The following LRP1B variants were observed in gnomAD, a reference collection of about 807,000 sequenced individuals.
LRP1B encodes LDL receptor related protein 1B.
LRP1B carries 217 observed loss-of-function variants against 556.6 expected under a neutral mutation model. The ratio of observed to expected loss-of-function variants is 0.39; its 90% CI spans 0.35 to 0.44. The LOEUF is 0.44. Ranked by LOEUF, LRP1B falls within the 20% of genes least tolerant of loss-of-function variation. LRP1B has a pLI of 1.00. For synonymous variants in LRP1B, 2,047 were observed against 1,865.8 expected (o/e 1.10, Z -2.50); for missense variants, 5,053 against 5,620.8 (o/e 0.90, Z 3.23).
intron 66 of LRP1B, among the ~76,000 whole-genome samples, chr2:140,428,620 C>G (rs1259827470): frequency 6.6e-6 from 1 of 152,148 alleles, no homozygotes; most frequent in Non-Finnish European, 1.5e-5. Context: ...CTGACACTGC[C>G]TGATCGTCTC....
chr2:142,115,602 A>AAT lies in LRP1B; in HGVS notation c.82+15044_82+15045dup, dbSNP rs1553518971. 9.3e-4 allele frequency among the ~76,000 whole-genome samples: 19 copies of AAT among 20,502 alleles called. 1 individual carries two copies. The highest frequency in any genetic ancestry group is 3.0e-3 in the South Asian group (3 of 1,010). 13.5% of individuals were successfully genotyped at this position (20,502 alleles called of 152,430 possible). Reference sequence around the variant, plus strand: ...TATGTAATATATATATTATATATGTAATATATATTATATATATGTAATATA... The same window carrying AAT: ...TATGTAATATATATATTATATATGTAATATATATATTATATATATGTAATATA... On this transcript the variant is annotated intron_variant, in intron 1 of 90. Transcript: ENST00000389484.
intron 32 of LRP1B, among the ~76,000 whole-genome samples, chr2:140,807,984 G>T (rs1482246373): frequency 1.3e-5 from 2 of 152,086 alleles, no homozygotes; most frequent in Non-Finnish European, 2.9e-5. Context: ...CCCAGCTACT[G>T]GGGAGGCTGA....
At chr2:141,505,988 C>T (rs536080586) in intron 2 of LRP1B, among the ~76,000 whole-genome samples, 8 of 152,078 alleles carry the variant, frequency 5.3e-5, no homozygotes, top group South Asian at 2.1e-4. Flanking sequence ...TTTCCCTGTC[C>T]GGGAAAGACT....
intron 2 of LRP1B, among the ~76,000 whole-genome samples, chr2:141,799,796 TAA>T (rs1695943457): frequency 8.8e-6 from 1 of 113,228 alleles, no homozygotes; most frequent in African/African-American, 3.4e-5. Flanking sequence ...AATCTGTTTT[TAA>T]AGAGTGTGTC....
At chr2:141,005,529 T>C in intron 14 of LRP1B, 72 bp from the exon 15 acceptor site, 1 of 1,436,782 alleles carries the variant, frequency 7.0e-7, no homozygotes, top group Non-Finnish European at 9.7e-7. Context: ...AACATAGATG[T>C]AATTACATAC....
chr2:140,345,870 A>ATG (rs1681647285), intron 77 of LRP1B, among the ~76,000 whole-genome samples: 4 of 145,964 alleles, frequency 2.7e-5, no homozygotes, highest in African/African-American at 7.5e-5. Context: ...ACATATATAT[A>ATG]TATATATAAA....
chr2:140,335,607 TA>T lies in LRP1B; in HGVS notation c.12116+7del. 6.6e-7 allele frequency: 1 copy of T among 1,518,618 alleles called. No individual in the cohort carries two copies. Among genetic ancestry groups the T allele is most frequent in the Non-Finnish European group, 9.1e-7 (1 of 1,093,500 alleles). The allele number at this position is 1,518,618 out of a possible 1,614,324, so 94.1% of individuals were successfully genotyped here. Reference sequence around the variant, plus strand: ...TCAAGAAATAGAAATACTAAGCCATTAACCTACCCTCTTTTAGGATTTACTG... The same window carrying T: ...TCAAGAAATAGAAATACTAAGCCATTACCTACCCTCTTTTAGGATTTACTG... On this transcript the variant is annotated splice_region_variant and intron_variant, in intron 78 of 90. Transcript: ENST00000389484.
At chr2:141,896,856 C>T (rs890174247) in intron 1 of LRP1B, among the ~76,000 whole-genome samples, 1 of 152,046 alleles carries the variant, frequency 6.6e-6, no homozygotes, top group African/African-American at 2.4e-5. Flanking sequence ...TTGATTTGCC[C>T]CACATTGGTA....
chr2:141,576,112 TAA>T (rs1686732214), intron 2 of LRP1B, among the ~76,000 whole-genome samples: 1 of 152,224 alleles, frequency 6.6e-6, no homozygotes, highest in Non-Finnish European at 1.5e-5. Context: ...CAAAGGAATA[TAA>T]GTTATTCTAC....
intron 2 of LRP1B, among the ~76,000 whole-genome samples, chr2:141,496,618 A>G (rs887589538): frequency 6.6e-6 from 1 of 152,074 alleles, no homozygotes; most frequent in Non-Finnish European, 1.5e-5. Context: ...GAATATTAAT[A>G]TATTGGCACA....
intron 86 of LRP1B, among the ~76,000 whole-genome samples, chr2:140,259,978 C>T (rs1161314703): frequency 6.6e-6 from 1 of 151,480 alleles, no homozygotes; most frequent in Non-Finnish European, 1.5e-5. Flanking sequence ...AACCATTTTC[C>T]CCAAAAAGAT....
chr2:140,378,308 A>G (rs1683324523), intron 67 of LRP1B, 22 bp from the exon 68 acceptor site: 1 of 1,306,392 alleles, frequency 7.7e-7, no homozygotes, highest in Non-Finnish European at 1.1e-6. Flanking sequence ...AAAACAGCAC[A>G]GGGTTATTCT....
At chr2:141,262,222 T>C (rs905216361) in intron 3 of LRP1B, among the ~76,000 whole-genome samples, 6 of 152,052 alleles carry the variant, frequency 3.9e-5, no homozygotes, top group Admixed American at 2.6e-4. Context: ...TTCTGCCGAC[T>C]GTTATTAGGT....
chr2:140,394,082 C>T (rs115155957), intron 66 of LRP1B, among the ~76,000 whole-genome samples: 3,968 of 150,198 alleles, frequency 0.026, 66 homozygotes, highest in African/African-American at 0.049. Flanking sequence ...AGAACATATT[C>T]TCTGTCTCCT....
chr2:141,193,607 G>A lies in LRP1B; in HGVS notation c.851-5024C>T, dbSNP rs181236847. Reference sequence around the variant, plus strand: ...ACTTGAGGGTGGAGGATGGGAGGAGGGAGAGGAGTAGAAAAGACAACTTTT... The same window carrying A: ...ACTTGAGGGTGGAGGATGGGAGGAGAGAGAGGAGTAGAAAAGACAACTTTT... On this transcript the variant is annotated intron_variant, in intron 6 of 90. Transcript: ENST00000389484. Among the ~76,000 whole-genome samples, 237 of 151,844 alleles carry A rather than the reference G, an allele frequency of 1.6e-3. 1 individual carries two copies. The highest frequency in any genetic ancestry group is 4.8e-3 in the African/African-American group (199 of 41,432).
intron 66 of LRP1B, among the ~76,000 whole-genome samples, chr2:140,397,891 C>T (rs1684321335): frequency 6.6e-6 from 1 of 152,106 alleles, no homozygotes; most frequent in African/African-American, 2.4e-5. Flanking sequence ...ATATATTTAT[C>T]TTGTTCTGTA....
intron 1 of LRP1B, among the ~76,000 whole-genome samples, chr2:141,967,183 T>C (rs1445169086): frequency 6.6e-6 from 1 of 151,934 alleles, no homozygotes; most frequent in Non-Finnish European, 1.5e-5. Context: ...CTAATTTCTC[T>C]ACATTCTGTT....
At chr2:141,122,403 A>G (rs1701079075) in intron 7 of LRP1B, among the ~76,000 whole-genome samples, 1 of 34,350 alleles carries the variant, frequency 2.9e-5, no homozygotes, top group Non-Finnish European at 8.4e-5. Context: ...ACAAACTTAC[A>G]AGAAAAAAAA....
chr2:141,774,388 G>A (rs1004693080), intron 2 of LRP1B, among the ~76,000 whole-genome samples: 13 of 151,986 alleles, frequency 8.6e-5, no homozygotes, highest in African/African-American at 1.2e-4. Flanking sequence ...CGAGAGAGAG[G>A]GGAGGTCCCA....
Sources: gnomAD v4.1 joint callset for allele counts (sites outside exome capture counted in the v4.1 genomes callset) on GRCh38, gnomAD v4.1.1 for gene constraint, MANE v1.5 for transcripts, NCBI Gene and HGNC (gene_info 2026-07-23, HGNC 2026-07-21) for gene names.